ALPK1: variants seen among roughly 807,000 people sequenced by gnomAD.
The protein encoded by ALPK1 is alpha-protein kinase 1.
In ALPK1, 110 loss-of-function variants were observed where a neutral mutation model predicts 120.6. That is an observed-to-expected ratio of 0.91 (90% CI 0.78 to 1.07). The LOEUF (loss-of-function observed/expected upper bound fraction) is 1.07. Among genes scored for constraint, ALPK1 ranks in the 50% least tolerant of loss-of-function variants. The probability of loss-of-function intolerance (pLI) is 0.00; values close to 1 mark genes in which losing one functional copy is unlikely to be tolerated. For missense variants in ALPK1, 1,498 were observed against 1,483.9 expected (o/e 1.01, Z -0.16); for synonymous variants, 582 against 560.3 (o/e 1.04, Z -0.55).
intron 5 of ALPK1, chr4:112,414,334 C>T: frequency 2.1e-6 from 1 of 481,448 alleles, no homozygotes; most frequent in Non-Finnish European, 4.1e-6. Context: ...AGGCCAGGCA[C>T]TATGGCTCAT....
chr4:112,402,794 G>A (rs1434981946), intron 4 of ALPK1, among the ~76,000 whole-genome samples: 1 of 152,132 alleles, frequency 6.6e-6, no homozygotes, highest in Non-Finnish European at 1.5e-5. Flanking sequence ...GAAAAATAAA[G>A]GATTAGAATC....
chr4:112,357,674 GC>G, intron 2 of ALPK1: 1 of 1,601,826 alleles, frequency 6.2e-7, no homozygotes, highest in Non-Finnish European at 8.6e-7. Context: ...ATCCCCAGAG[GC>G]CCCGACGGAG....
intron 14 of ALPK1, 120 bp downstream of exon 14, chr4:112,439,992 T>C (rs1734963559): frequency 2.8e-5 from 26 of 919,150 alleles, no homozygotes; most frequent in Non-Finnish European, 3.9e-5. Context: ...TATTTGGAGT[T>C]AACTTAATTG....
intron 1 of ALPK1, among the ~76,000 whole-genome samples, chr4:112,314,699 C>T (rs1339779456): frequency 6.6e-6 from 1 of 152,078 alleles, no homozygotes; most frequent in Non-Finnish European, 1.5e-5. Flanking sequence ...AATCTGGTGA[C>T]ATGAATTCCA....
intron 4 of ALPK1, among the ~76,000 whole-genome samples, chr4:112,406,512 G>T (rs1733180694): frequency 1.3e-5 from 2 of 152,188 alleles, no homozygotes; most frequent in South Asian, 4.1e-4. Flanking sequence ...AAGTAAAGGA[G>T]ATTGGAAGAC....
chr4:112,336,408 TG>T (rs1560642325), intron 2 of ALPK1, among the ~76,000 whole-genome samples: 1 of 152,148 alleles, frequency 6.6e-6, no homozygotes, highest in Admixed American at 6.5e-5. Flanking sequence ...ATTTTCCTGT[TG>T]AAAAAAAAAG....
rs1578576181 is a variant in ALPK1 at position 112,436,262 on chromosome 4, A to G, written c.3188+961A>G. Among the ~76,000 whole-genome samples, 5 of 150,992 alleles carry G rather than the reference A, an allele frequency of 3.3e-5. No homozygotes were observed. The South Asian group carries it at 1.0e-3, about 32-fold the overall frequency. On this transcript the variant is annotated intron_variant, in intron 12 of 15. Transcript: ENST00000650871. ...TTTTAAATGATTTATATGCTAATTCAATTAATCTTCACAAAACCCTCTGAG... is the reference window on the plus strand; with the variant it reads ...TTTTAAATGATTTATATGCTAATTCGATTAATCTTCACAAAACCCTCTGAG...
chr4:112,307,302 T>A (rs1042281343), intron 1 of ALPK1, among the ~76,000 whole-genome samples: 5 of 152,016 alleles, frequency 3.3e-5, no homozygotes, highest in Admixed American at 1.3e-4. Flanking sequence ...TTCCTGGATA[T>A]CCTTTTTAAC....
chr4:112,375,563 C>G (rs1731616885), intron 2 of ALPK1, among the ~76,000 whole-genome samples: 1 of 152,176 alleles, frequency 6.6e-6, no homozygotes, highest in Non-Finnish European at 1.5e-5. Context: ...CCTCACCTCT[C>G]TCAGTCTTCA....
At chr4:112,301,284 T>G (rs1727776676) in intron 1 of ALPK1, among the ~76,000 whole-genome samples, 1 of 152,306 alleles carries the variant, frequency 6.6e-6, no homozygotes, top group Middle Eastern at 3.4e-3. Flanking sequence ...GACATACACT[T>G]CTGAAGATTG....
In ALPK1 at chr4:112,411,877, T is replaced by C; in HGVS notation, c.327T>C (p.Ala109=). The change falls in exon 5 of 16, where the codon GCT becomes GCC. Residue 109 remains alanine (A), a synonymous_variant. Transcript: ENST00000650871. ...ILARDCAAAA[A]IVFLVDRFLY... The stretch of plus-strand genomic sequence containing the variant: ...CTCGGGACTGTGCGGCTGCGGCGGC[T>C]ATTGTGTTCTTGGTGGACCGGTTCC... 6.2e-7 allele frequency: 1 copy of C among 1,613,904 alleles called. No homozygotes were observed. The highest frequency in any genetic ancestry group is 2.2e-5 in the East Asian group (1 of 44,860).
chr4:112,401,300 G>C (rs954224877), intron 4 of ALPK1, among the ~76,000 whole-genome samples: 1 of 152,210 alleles, frequency 6.6e-6, no homozygotes, highest in Admixed American at 6.5e-5. Context: ...TGAGATGACT[G>C]ATGGGATAGT....
intron 1 of ALPK1, among the ~76,000 whole-genome samples, chr4:112,310,811 G>C (rs1317168104): frequency 6.6e-6 from 1 of 152,020 alleles, no homozygotes; most frequent in Non-Finnish European, 1.5e-5. Context: ...AGCAATGCTT[G>C]ATAAAAACAA....
chr4:112,406,737 A>G (rs1195725677), intron 4 of ALPK1, among the ~76,000 whole-genome samples: 3 of 151,588 alleles, frequency 2.0e-5, no homozygotes, highest in African/African-American at 7.3e-5. Context: ...GAGGCTGGCC[A>G]TAAAAAAATT....
At chr4:112,424,094 T>C (rs1734124562) in intron 6 of ALPK1, 91 bp downstream of exon 6, 5 of 1,253,628 alleles carry the variant, frequency 4.0e-6, no homozygotes, top group East Asian at 2.3e-5. Flanking sequence ...ATAGTTACTA[T>C]ACCTTAGATG....
intron 1 of ALPK1, among the ~76,000 whole-genome samples, chr4:112,315,283 G>T (rs1036076058): frequency 1.3e-5 from 2 of 152,068 alleles, no homozygotes; most frequent in African/African-American, 2.4e-5. Context: ...TTTCTGGCAG[G>T]CCCCAAAAGT....
rs764667727 is a variant in ALPK1 at position 112,427,573 on chromosome 4, C to G, written c.703C>G (p.Leu235Val). The G allele has an allele frequency of 1.9e-6, 3 of 1,613,204 alleles. No individual in the cohort carries two copies. In the East Asian group the frequency reaches 6.7e-5, roughly 36 times the overall value. Residue 235 changes from leucine (L) to valine (V), a missense_variant, in exon 9 of 16, where the codon CTC becomes GTC. Transcript: ENST00000650871. ...CTTCTTTGTGTTTTTCTTACAGGGC[C>G]TCTCCACGTCGCTAGGTATACTGGC... is the stretch of plus-strand genomic sequence containing the variant. ...LALPQPDKKG[L>V]STSLGILADI...
At chr4:112,426,612 G>A in intron 8 of ALPK1, 69 bp downstream of exon 8, 1 of 1,270,422 alleles carries the variant, frequency 7.9e-7, no homozygotes, top group African/African-American at 1.5e-5. Flanking sequence ...CTTCATGACA[G>A]AAGTCCATTT....
At position 112,440,911 on chromosome 4, in the gene ALPK1, T is replaced by G. The variant is rs1735011284; in HGVS notation, c.3539-6T>G. 6.2e-7 allele frequency: 1 copy of G among 1,606,664 alleles called. No homozygotes were observed. The highest frequency in any genetic ancestry group is 1.3e-5 in the African/African-American group (1 of 74,514). On this transcript the variant is annotated splice_polypyrimidine_tract_variant and splice_region_variant and intron_variant, in intron 14 of 15. Coordinates refer to ENST00000650871, the MANE Select transcript of ALPK1 (RefSeq NM_025144.4). ...TAATACTCAGGTGTGTTCATTTCTC[T>G]TTTAGGTTGGGTAACCGGTAATGGA...
Sources: allele counts gnomAD v4.1 joint callset (sites outside exome capture counted in the v4.1 genomes callset), GRCh38; gene constraint gnomAD v4.1.1; transcripts MANE v1.5; gene names NCBI Gene and HGNC (gene_info 2026-07-23, HGNC 2026-07-21).